GUCY1A1: variants seen among roughly 807,000 people sequenced by gnomAD.
GUCY1A1 encodes the protein guanylate cyclase 1 soluble subunit alpha 1.
GUCY1A1 carries 48 observed loss-of-function variants against 64.5 expected under a neutral mutation model. That is an observed-to-expected ratio of 0.74 (90% CI 0.59 to 0.95). GUCY1A1 has a LOEUF of 0.95. Ranked by LOEUF, GUCY1A1 falls within the 40% of genes least tolerant of loss-of-function variation. The pLI, the probability that GUCY1A1 is intolerant of heterozygous loss-of-function variation, is 0.00. For missense variants in GUCY1A1, 804 were observed against 825.3 expected (o/e 0.97, Z 0.32); for synonymous variants, 308 against 303.4 (o/e 1.02, Z -0.16).
chr4:155,731,700 C>T lies in GUCY1A1; in HGVS notation c.*1469C>T, dbSNP rs1052385732. 1 of 151,700 alleles carries T rather than the reference C, an allele frequency of 6.6e-6. No individual in the cohort carries two copies. Among genetic ancestry groups the T allele is most frequent in the African/African-American group, 2.4e-5 (1 of 41,376 alleles). 9.4% of individuals were successfully genotyped at this position (151,700 alleles called of 1,614,324 possible). A position where few individuals can be genotyped will look rare whatever the true frequency, so the allele number is the denominator to read the frequency against. On this transcript the variant is annotated 3_prime_UTR_variant, in exon 10 of 10. Transcript: ENST00000506455. ...GTTTTAAAATCAATATTAGCAGAGC[C>T]ATAGATAGGCTGAGCTCTTATTTGG... is the stretch of plus-strand genomic sequence containing the variant.
At position 155,709,388 on chromosome 4, in the gene GUCY1A1, T is replaced by C. The variant is rs1410979342; in HGVS notation, c.376+1094T>C. 3.3e-5 allele frequency among the ~76,000 whole-genome samples: 5 copies of C among 152,382 alleles called. No homozygotes were observed. In the East Asian group the frequency reaches 9.6e-4, roughly 29 times the overall value. ...TTTTCCTTTTGATGTTAAGTGTTAC[T>C]TTGTTACAAAATATTTAACCTATAA... On this transcript the variant is annotated intron_variant, in intron 5 of 9. Coordinates refer to ENST00000506455, the MANE Select transcript of GUCY1A1 (RefSeq NM_001130682.3).
intron 2 of GUCY1A1, among the ~76,000 whole-genome samples, chr4:155,684,298 T>C (rs1227565654): frequency 1.3e-5 from 2 of 152,190 alleles, no homozygotes; most frequent in African/African-American, 4.8e-5. Flanking sequence ...GCAAAGTATA[T>C]GTTCAGAAGT....
chr4:155,733,663 A>G lies in GUCY1A1; in HGVS notation c.*3432A>G, dbSNP rs1735777350. 1.3e-5 allele frequency among the ~76,000 whole-genome samples: 2 copies of G among 151,286 alleles called. No individual in the cohort carries two copies. The highest frequency in any genetic ancestry group is 3.0e-5 in the Non-Finnish European group (2 of 67,778). ...GGCACTTGTTCAAAATAGATTTTAC[A>G]AAAGAAAAAAAAAAAAGAAGCAACA... is the stretch of plus-strand genomic sequence containing the variant. On this transcript the variant is annotated 3_prime_UTR_variant, in exon 10 of 10. Coordinates refer to ENST00000506455, the MANE Select transcript of GUCY1A1 (RefSeq NM_001130682.3).
chr4:155,715,682 C>G (rs1439802372), intron 7 of GUCY1A1, among the ~76,000 whole-genome samples: 1 of 152,124 alleles, frequency 6.6e-6, no homozygotes, highest in Admixed American at 6.6e-5. Flanking sequence ...ATTTATTGAG[C>G]ACCTGTGATG....
chr4:155,698,527 C>T (rs1369475764), intron 3 of GUCY1A1, among the ~76,000 whole-genome samples: 1 of 152,140 alleles, frequency 6.6e-6, no homozygotes, highest in African/African-American at 2.4e-5. Flanking sequence ...TCTATGTTTT[C>T]CCTGAATCCT....
chr4:155,732,021 G>A lies in GUCY1A1; in HGVS notation c.*1790G>A, dbSNP rs895891676. 6.7e-6 allele frequency: 1 copy of A among 149,390 alleles called. No individual in the cohort carries two copies. Among genetic ancestry groups the A allele is most frequent in the African/African-American group, 2.5e-5 (1 of 40,232 alleles). 9.3% of individuals were successfully genotyped at this position (149,390 alleles called of 1,614,324 possible). On this transcript the variant is annotated 3_prime_UTR_variant, in exon 10 of 10. Coordinates refer to ENST00000506455, the MANE Select transcript of GUCY1A1 (RefSeq NM_001130682.3). ...GTCACTACTTACAAGGAAAAAAAAT[G>A]TAAATACATTTTTCTTTCTGGAACC...
intron 2 of GUCY1A1, among the ~76,000 whole-genome samples, chr4:155,690,572 C>T (rs1227519288): frequency 6.6e-6 from 1 of 152,148 alleles, no homozygotes; most frequent in African/African-American, 2.4e-5. Context: ...TCTCTCACCA[C>T]CATTATCTTG....
At chr4:155,689,381 C>T (rs1424264471) in intron 2 of GUCY1A1, among the ~76,000 whole-genome samples, 1 of 151,934 alleles carries the variant, frequency 6.6e-6, no homozygotes, top group African/African-American at 2.4e-5. Flanking sequence ...ATCTGATTTC[C>T]TCATGATCAG....
Position 155,703,913 on chromosome 4 carries a change from A to T in GUCY1A1, c.256-19A>T, listed in dbSNP as rs765551782. 1 of 1,529,154 alleles carries T rather than the reference A, an allele frequency of 6.5e-7. No individual in the cohort carries two copies. The highest frequency in any genetic ancestry group is 1.2e-5 in the South Asian group (1 of 86,768). The allele number at this position is 1,529,154 out of a possible 1,614,324, so 94.7% of individuals were successfully genotyped here. A position where few individuals can be genotyped will look rare whatever the true frequency, so the allele number is the denominator to read the frequency against. On this transcript the variant is annotated intron_variant, in intron 3 of 9. Transcript: ENST00000506455. Reference sequence around the variant, plus strand: ...TATTATATAAGGGAATGTTTAAAACATTTCTTTTGAACTTTCAGTTTGAAC... The same window carrying T: ...TATTATATAAGGGAATGTTTAAAACTTTTCTTTTGAACTTTCAGTTTGAAC...
chr4:155,687,990 G>A (rs1233563010), intron 2 of GUCY1A1, among the ~76,000 whole-genome samples: 1 of 151,976 alleles, frequency 6.6e-6, no homozygotes, highest in Non-Finnish European at 1.5e-5. Flanking sequence ...TTGGGAGGCC[G>A]AAGTGGGCGG....
intron 4 of GUCY1A1, among the ~76,000 whole-genome samples, chr4:155,706,390 G>T (rs1008822628): frequency 3.3e-5 from 5 of 152,100 alleles, no homozygotes; most frequent in African/African-American, 1.2e-4. Context: ...ATTGCTGTCA[G>T]TTTGCCAACT....
intron 3 of GUCY1A1, among the ~76,000 whole-genome samples, chr4:155,701,644 A>G (rs959695957): frequency 1.3e-5 from 2 of 151,940 alleles, no homozygotes; most frequent in Non-Finnish European, 2.9e-5. Flanking sequence ...GGCCCACAAA[A>G]TGTTCCTGGT....
At chr4:155,716,852 T>C (rs1361114513) in intron 7 of GUCY1A1, among the ~76,000 whole-genome samples, 1 of 152,204 alleles carries the variant, frequency 6.6e-6, no homozygotes, top group East Asian at 1.9e-4. Flanking sequence ...AAAAACTATC[T>C]TATATGGTGA....
At chr4:155,679,794 T>C (rs1384390489) in intron 2 of GUCY1A1, among the ~76,000 whole-genome samples, 10 of 152,250 alleles carry the variant, frequency 6.6e-5, no homozygotes, top group African/African-American at 2.4e-4. Context: ...TATTTCTATA[T>C]GGATTTCCAG....
intron 9 of GUCY1A1, among the ~76,000 whole-genome samples, chr4:155,727,993 A>C (rs543545601): frequency 1.2e-4 from 18 of 151,968 alleles, no homozygotes; most frequent in African/African-American, 4.3e-4. Context: ...TCCAGGAAGG[A>C]AAATGGGTAG....
rs1371004462 is a variant in GUCY1A1 at position 155,730,397 on chromosome 4, C to T, written c.*166C>T. ...TAACATGACAAAATGTATGTACTCA[C>T]TTCAGTACTTCAGCTCTTCAAGAAA... On this transcript the variant is annotated 3_prime_UTR_variant, in exon 10 of 10. Transcript: ENST00000506455. 6 of 467,722 alleles carry T rather than the reference C, an allele frequency of 1.3e-5. No individual in the cohort carries two copies. The highest frequency in any genetic ancestry group is 1.9e-5 in the Non-Finnish European group (5 of 264,520). The allele number at this position is 467,722 out of a possible 1,614,324, so 29.0% of individuals were successfully genotyped here.
chr4:155,681,698 A>C (rs1164886685), intron 2 of GUCY1A1, among the ~76,000 whole-genome samples: 1 of 152,146 alleles, frequency 6.6e-6, no homozygotes, highest in Admixed American at 6.5e-5. Flanking sequence ...TACTTTCTCC[A>C]GTCCTTAAAC....
intron 2 of GUCY1A1, among the ~76,000 whole-genome samples, chr4:155,670,178 GTTAA>G (rs952182313): frequency 2.1e-4 from 32 of 152,012 alleles, no homozygotes; most frequent in African/African-American, 7.7e-4. Flanking sequence ...TTTTACACTG[GTTAA>G]TTAAAAATAT....
chr4:155,686,989 C>T (rs1729081711), intron 2 of GUCY1A1, among the ~76,000 whole-genome samples: 3 of 152,074 alleles, frequency 2.0e-5, no homozygotes, highest in South Asian at 4.1e-4. Flanking sequence ...CTCTAATGCT[C>T]ATCAAGTAAA....
Sources: allele counts gnomAD v4.1 joint callset (sites outside exome capture counted in the v4.1 genomes callset), GRCh38; gene constraint gnomAD v4.1.1; transcripts MANE v1.5; gene names NCBI Gene and HGNC (gene_info 2026-07-23, HGNC 2026-07-21).